MYT1L: variants seen among roughly 807,000 people sequenced by gnomAD.
MYT1L encodes the protein myelin transcription factor 1 like.
Under a neutral mutation model 126.7 loss-of-function variants are expected in MYT1L, and 12 were observed. That is an observed-to-expected ratio of 0.09 (90% CI 0.06 to 0.15). The LOEUF (loss-of-function observed/expected upper bound fraction) is 0.15, where lower values mean the gene tolerates loss of function less well. Among genes scored for constraint, MYT1L ranks in the 10% least tolerant of loss-of-function variants. The pLI is 1.00. For synonymous variants in MYT1L, 541 were observed against 604.2 expected (o/e 0.90, Z 1.53); for missense variants, 979 against 1,585.2 (o/e 0.62, Z 6.49).
At chr2:1,940,983 CT>C in intron 9 of MYT1L, among the ~76,000 whole-genome samples, 1 of 152,290 alleles carries the variant, frequency 6.6e-6, no homozygotes, top group South Asian at 2.1e-4. Flanking sequence ...TTGCATTTTT[CT>C]GGCAAAAATG....
In MYT1L at chr2:1,986,077, C is replaced by A. The variant is rs192155247; in HGVS notation, c.1-6300G>T. Among the ~76,000 whole-genome samples, 23 of 152,308 alleles carry A rather than the reference C, an allele frequency of 1.5e-4. 1 individual carries two copies. The highest frequency in any genetic ancestry group is 5.3e-4 in the African/African-American group (22 of 41,562). On this transcript the variant is annotated intron_variant, in intron 5 of 24. Transcript: ENST00000647738. ...TCTTTCAGGCAGGTGGACGTCCTGA[C>A]GGAAAAGTGCCTGGCCCATGGTAGA... is the stretch of plus-strand genomic sequence containing the variant.
intron 13 of MYT1L, 97 bp from the exon 14 acceptor site, chr2:1,903,391 T>G: frequency 2.0e-6 from 2 of 979,578 alleles, no homozygotes; most frequent in South Asian, 3.2e-5. Context: ...CTTTTTTAAA[T>G]GTGTTAAACA....
intron 3 of MYT1L, among the ~76,000 whole-genome samples, chr2:2,066,462 T>C (rs990511141): frequency 2.0e-4 from 30 of 152,224 alleles, no homozygotes; most frequent in Non-Finnish European, 3.5e-4. Context: ...TTCCTCATCA[T>C]TAAAATAGCA....
Position 2,262,939 on chromosome 2 carries a change from G to GATATATAT in MYT1L, c.-421+21457_-421+21464dup, listed in dbSNP as rs60682131. Among the ~76,000 whole-genome samples the GATATATAT allele has an allele frequency of 5.2e-4, 27 of 51,984 alleles. 2 individuals are homozygous for GATATATAT. The East Asian group carries it at 6.8e-3, about 13-fold the overall frequency. The allele number at this position is 51,984 out of a possible 152,430, so 34.1% of individuals were successfully genotyped here. ...AAATATATATATATATATAACCTGT[G>GATATATAT]ATATATATATATATATCACAGGTAA... On this transcript the variant is annotated intron_variant, in intron 2 of 24. Coordinates refer to ENST00000647738, the MANE Select transcript of MYT1L (RefSeq NM_001303052.2).
chr2:2,106,110 T>C (rs928889041), intron 3 of MYT1L, among the ~76,000 whole-genome samples: 3 of 152,134 alleles, frequency 2.0e-5, no homozygotes, highest in Admixed American at 1.3e-4. Context: ...AGCCAGCTCA[T>C]GGAGGGAATG....
chr2:2,210,267 G>C (rs140023824), intron 2 of MYT1L, among the ~76,000 whole-genome samples: 10 of 152,066 alleles, frequency 6.6e-5, no homozygotes, highest in Non-Finnish European at 1.5e-4. Context: ...CCCATTTGTC[G>C]ATTTCTGCTT....
At chr2:1,940,568 T>A (rs1157327929) in intron 9 of MYT1L, among the ~76,000 whole-genome samples, 1 of 151,548 alleles carries the variant, frequency 6.6e-6, no homozygotes, top group Non-Finnish European at 1.5e-5. Context: ...GCCAGGATGC[T>A]CAGTAAACTG....
At chr2:2,251,890 C>T (rs534716923) in intron 2 of MYT1L, among the ~76,000 whole-genome samples, 15 of 112,018 alleles carry the variant, frequency 1.3e-4, no homozygotes, top group African/African-American at 2.7e-4. Context: ...GAAAGAAGAA[C>T]GAAAAGAAAG....
intron 18 of MYT1L, among the ~76,000 whole-genome samples, chr2:1,878,587 A>G (rs188116887): frequency 6.3e-4 from 96 of 152,274 alleles, no homozygotes; most frequent in African/African-American, 2.1e-3. Flanking sequence ...TTAAGTTTGA[A>G]TTAATGAAGA....
chr2:2,027,771 T>C (rs1385053935), intron 4 of MYT1L, among the ~76,000 whole-genome samples: 7 of 151,764 alleles, frequency 4.6e-5, no homozygotes, highest in Non-Finnish European at 8.8e-5. Flanking sequence ...GAGTCTTACC[T>C]GCCTGAGTGA....
At chr2:2,024,815 C>T (rs1378936915) in intron 4 of MYT1L, among the ~76,000 whole-genome samples, 2 of 152,234 alleles carry the variant, frequency 1.3e-5, no homozygotes, top group South Asian at 2.1e-4. Flanking sequence ...CAGCTTCCTA[C>T]AACCAGAAAA....
At chr2:2,250,394 G>A (rs2094613982) in intron 2 of MYT1L, among the ~76,000 whole-genome samples, 2 of 152,190 alleles carry the variant, frequency 1.3e-5, no homozygotes, top group African/African-American at 2.4e-5. Flanking sequence ...TATGTTAAAA[G>A]CAATAAGCCA....
At chr2:2,169,414 T>A (rs1331426437) in intron 3 of MYT1L, among the ~76,000 whole-genome samples, 1 of 152,212 alleles carries the variant, frequency 6.6e-6, no homozygotes, top group Non-Finnish European at 1.5e-5. Flanking sequence ...CAACTAATAC[T>A]CTGTGTTTTG....
At chr2:2,052,951 T>C (rs2069015390) in intron 4 of MYT1L, among the ~76,000 whole-genome samples, 1 of 152,146 alleles carries the variant, frequency 6.6e-6, no homozygotes, top group South Asian at 2.1e-4. Context: ...GCTCAGGAAA[T>C]GTGAAATCAG....
chr2:2,004,271 AGGCGTTCTTTCCTGCATGCG>A, intron 4 of MYT1L, among the ~76,000 whole-genome samples: 1 of 138,186 alleles, frequency 7.2e-6, no homozygotes, highest in Non-Finnish European at 1.6e-5. Context: ...TCTTTCCTGC[AGGCGTTCTTTCCTGCATGCG>A]TTCTTTCCTG....
At chr2:2,185,479 G>C (rs938440158) in intron 2 of MYT1L, among the ~76,000 whole-genome samples, 22 of 121,662 alleles carry the variant, frequency 1.8e-4, no homozygotes, top group Admixed American at 8.7e-4. Flanking sequence ...CCTTCTGTGA[G>C]GGGGACGCAG....
chr2:2,132,680 T>C (rs1179869984), intron 3 of MYT1L, among the ~76,000 whole-genome samples: 9 of 152,116 alleles, frequency 5.9e-5, no homozygotes, highest in South Asian at 4.1e-4. Flanking sequence ...CCATGGCACA[T>C]ATATACCTAT....
intron 4 of MYT1L, among the ~76,000 whole-genome samples, chr2:2,033,783 C>A (rs1477890440): frequency 6.6e-6 from 1 of 152,136 alleles, no homozygotes; most frequent in African/African-American, 2.4e-5. Context: ...GGACATGGTG[C>A]CTGGAGCAGC....
At chr2:2,040,389 T>C (rs770989070) in intron 4 of MYT1L, among the ~76,000 whole-genome samples, 4 of 152,238 alleles carry the variant, frequency 2.6e-5, no homozygotes, top group Admixed American at 1.3e-4. Context: ...AAATCATCCA[T>C]GCAGATTAAT....
Sources: gnomAD v4.1 joint callset for allele counts (sites outside exome capture counted in the v4.1 genomes callset) on GRCh38, gnomAD v4.1.1 for gene constraint, MANE v1.5 for transcripts, NCBI Gene and HGNC (gene_info 2026-07-23, HGNC 2026-07-21) for gene names.